The following CR1L variants were observed in gnomAD, a reference collection of about 807,000 sequenced individuals.
CR1L encodes the protein complement component receptor 1-like protein.
In CR1L, 59 loss-of-function variants were observed where a neutral mutation model predicts 62.3. That is an observed-to-expected ratio of 0.95 (90% CI 0.77 to 1.18). CR1L has a LOEUF of 1.18. Among genes scored for constraint, CR1L ranks in the 50% most tolerant of loss-of-function variants. The probability of loss-of-function intolerance (pLI) is 0.00; values close to 1 mark genes in which losing one functional copy is unlikely to be tolerated. For missense variants in CR1L, 700 were observed against 702.8 expected (o/e 1.00, Z 0.04); for synonymous variants, 279 against 248.7 (o/e 1.12, Z -1.15).
intron 10 of CR1L, among the ~76,000 whole-genome samples, chr1:207,708,627 C>G (rs1428146537): frequency 6.6e-6 from 1 of 152,230 alleles, no homozygotes; most frequent in Non-Finnish European, 1.5e-5. Context: ...GTTAGTATCA[C>G]ATCAGATATT....
intron 10 of CR1L, among the ~76,000 whole-genome samples, chr1:207,715,958 G>T (rs1653987734): frequency 6.6e-6 from 1 of 152,130 alleles, no homozygotes; most frequent in Non-Finnish European, 1.5e-5. Flanking sequence ...GCCTCCAAAA[G>T]TGTTAGGATT....
intron 3 of CR1L, 135 bp downstream of exon 3, chr1:207,678,432 T>A: frequency 9.6e-6 from 7 of 732,642 alleles, no homozygotes; most frequent in African/African-American, 1.8e-5. Context: ...CACAGGTGCT[T>A]AGCTCCTGAC....
chr1:207,671,782 A>G (rs1433786385), intron 1 of CR1L, among the ~76,000 whole-genome samples: 3 of 150,632 alleles, frequency 2.0e-5, no homozygotes, highest in African/African-American at 7.5e-5. Flanking sequence ...TTAGCTGGGC[A>G]TGATGGTGGG....
At chr1:207,685,507 C>T (rs1169665895) in intron 4 of CR1L, among the ~76,000 whole-genome samples, 1 of 152,142 alleles carries the variant, frequency 6.6e-6, no homozygotes, top group African/African-American at 2.4e-5. Flanking sequence ...TCAATTAGCC[C>T]AATAACAATG....
At chr1:207,667,869 G>A (rs74811364) in intron 1 of CR1L, among the ~76,000 whole-genome samples, 2,381 of 151,076 alleles carry the variant, frequency 0.016, 229 homozygotes, top group African/African-American at 0.056. Flanking sequence ...GACCTGAACA[G>A]ACATCACTCA....
At chr1:207,692,259 T>C (rs1261974191) in intron 4 of CR1L, among the ~76,000 whole-genome samples, 3 of 152,266 alleles carry the variant, frequency 2.0e-5, no homozygotes, top group African/African-American at 4.8e-5. Context: ...GTTGTTGTTG[T>C]CTTTATAAAA....
At chr1:207,654,269 T>G (rs1395326670) in intron 1 of CR1L, among the ~76,000 whole-genome samples, 1 of 152,188 alleles carries the variant, frequency 6.6e-6, no homozygotes, top group Admixed American at 6.5e-5. Flanking sequence ...TGTGACCATG[T>G]AAGGCAGTTT....
At chr1:207,676,510 C>A (rs1663695211) in intron 1 of CR1L, among the ~76,000 whole-genome samples, 1 of 152,094 alleles carries the variant, frequency 6.6e-6, no homozygotes. Context: ...GAATCTAATG[C>A]CTGATGATCT....
At chr1:207,661,546 C>A (rs1416291312) in intron 1 of CR1L, among the ~76,000 whole-genome samples, 1 of 152,168 alleles carries the variant, frequency 6.6e-6, no homozygotes, top group East Asian at 1.9e-4. Flanking sequence ...TGTCTCTGCA[C>A]ATGAGATGGG....
chr1:207,645,582 C>G (rs959654573), intron 1 of CR1L, among the ~76,000 whole-genome samples: 5 of 152,144 alleles, frequency 3.3e-5, no homozygotes, highest in African/African-American at 1.2e-4. Flanking sequence ...GCTGCGTTCC[C>G]AAAAGAAGCG....
intron 1 of CR1L, among the ~76,000 whole-genome samples, chr1:207,663,555 A>G (rs1663459950): frequency 6.6e-6 from 1 of 152,172 alleles, no homozygotes. Context: ...CCTTTCTTTG[A>G]CTAGGAAAGG....
At chr1:207,701,448 G>T (rs779133491) in intron 8 of CR1L, 71 bp from the exon 9 acceptor site, 34 of 1,582,970 alleles carry the variant, frequency 2.1e-5, no homozygotes, top group Non-Finnish European at 2.9e-5. Flanking sequence ...GCTACATGCA[G>T]GTTGAGACCT....
chr1:207,720,184 T>C lies in CR1L; in HGVS notation c.1642+2493T>C, dbSNP rs527688374. On this transcript the variant is annotated intron_variant, in intron 11 of 11. Coordinates refer to ENST00000508064, the MANE Select transcript of CR1L (RefSeq NM_175710.2). ...GAACCACATAGGAACTCCTTTTGTC[T>C]CTCTGAACTAAGACTCAGACTAAAA... Among the ~76,000 whole-genome samples, 6 of 152,332 alleles carry C rather than the reference T, an allele frequency of 3.9e-5. No homozygotes were observed. In the East Asian group the frequency reaches 1.2e-3, roughly 29 times the overall value.
At chr1:207,646,127 G>A (rs1379042432) in intron 1 of CR1L, among the ~76,000 whole-genome samples, 1 of 151,338 alleles carries the variant, frequency 6.6e-6, no homozygotes, top group Non-Finnish European at 1.5e-5. Context: ...TTTTTTGGGG[G>A]GTGGGTGGGC....
rs1664122532 is a variant in CR1L at position 207,697,591 on chromosome 1, C to T, written c.951C>T (p.Ser317=). The T allele has an allele frequency of 1.2e-6, 2 of 1,613,784 alleles. No individual in the cohort carries two copies. The highest frequency in any genetic ancestry group is 1.7e-5 in the Admixed American group (1 of 60,004). Residue 317 remains serine (S), a synonymous_variant, in exon 6 of 12, where the codon AGC becomes AGT. Coordinates refer to ENST00000508064, the MANE Select transcript of CR1L (RefSeq NM_175710.2). ...NFSPGQEVFY[S]CEPGYDLRGS... ...CACCCGGGCAGGAAGTGTTCTACAGCTGTGAGCCCGGCTACGACCTCAGAG... is the reference window on the plus strand; with the variant it reads ...CACCCGGGCAGGAAGTGTTCTACAGTTGTGAGCCCGGCTACGACCTCAGAG...
intron 1 of CR1L, among the ~76,000 whole-genome samples, chr1:207,675,062 A>T (rs549471970): frequency 6.6e-6 from 1 of 152,208 alleles, no homozygotes; most frequent in African/African-American, 2.4e-5. Context: ...ACAAATATGC[A>T]TTGAGTGCTT....
At chr1:207,702,546 A>T (rs1222498613) in intron 9 of CR1L, among the ~76,000 whole-genome samples, 1 of 152,248 alleles carries the variant, frequency 6.6e-6, no homozygotes, top group East Asian at 1.9e-4. Context: ...CTCATGTGCC[A>T]AACAGCTAGC....
At chr1:207,709,070 ATTAG>A in intron 10 of CR1L, 1 of 247,780 alleles carries the variant, frequency 4.0e-6, no homozygotes, top group Non-Finnish European at 7.9e-6. Context: ...CTTTGTCTTT[ATTAG>A]TTCTGCCAGA....
chr1:207,651,032 G>A (rs916009867), intron 1 of CR1L, among the ~76,000 whole-genome samples: 2 of 151,968 alleles, frequency 1.3e-5, no homozygotes, highest in Admixed American at 6.6e-5. Flanking sequence ...TGATCCGCCC[G>A]CCTCGGCCTC....
Sources: gnomAD v4.1 joint callset for allele counts (sites outside exome capture counted in the v4.1 genomes callset) on GRCh38, gnomAD v4.1.1 for gene constraint, MANE v1.5 for transcripts, NCBI Gene and HGNC (gene_info 2026-07-23, HGNC 2026-07-21) for gene names.